Variants in CERKL observed in about 807,000 individuals in gnomAD.
The protein encoded by CERKL is ceramide kinase-like protein.
CERKL carries 61 observed loss-of-function variants against 63.4 expected under a neutral mutation model. The observed-to-expected ratio is 0.96, with a 90% CI of 0.78 to 1.19. CERKL has a LOEUF of 1.19. CERKL is among the 50% of genes most tolerant of loss of function. The pLI is 0.00. For synonymous variants in CERKL, 250 were observed against 230.5 expected, an observed-to-expected ratio of 1.08 and a Z score of -0.77; for missense variants, 675 against 655.5, an observed-to-expected ratio of 1.03 and a Z score of -0.33.
In CERKL at chr2:181,548,814, G is replaced by C. The variant is rs1228231844; in HGVS notation, c.939C>G (p.Gly313=). The C allele has an allele frequency of 6.2e-7, 1 of 1,614,052 alleles. No homozygotes were observed. The highest frequency in any genetic ancestry group is 1.1e-5 in the South Asian group (1 of 91,078). ...LVDVCTFSTA[G]KLLRFGFSAM... is the part of the protein sequence containing the mutation. ...CTGAGAACCCAAAGCGAAGAAGCTT[G>C]CCAGCGGTGCTGAAGGTGCAGACGT... The change falls in exon 7 of 13, where the codon GGC becomes GGG. Residue 313 remains glycine (G), a synonymous_variant. Coordinates refer to ENST00000410087, the MANE Select transcript of CERKL (RefSeq NM_201548.5).
intron 2 of CERKL, among the ~76,000 whole-genome samples, chr2:181,575,457 C>G (rs1350783065): frequency 5.3e-5 from 8 of 152,164 alleles, no homozygotes; most frequent in Admixed American, 5.2e-4. Flanking sequence ...CAAATACAGA[C>G]AGCACAAAAC....
At chr2:181,603,643 G>T in intron 2 of CERKL, 194 bp downstream of exon 2, 1 of 672,840 alleles carries the variant, frequency 1.5e-6, no homozygotes, top group Non-Finnish European at 2.7e-6. Flanking sequence ...ACAGGATGTA[G>T]GGAAAAATAT....
At chr2:181,638,088 AAAGCT>A (rs1434952952) in intron 1 of CERKL, among the ~76,000 whole-genome samples, 1 of 152,218 alleles carries the variant, frequency 6.6e-6, no homozygotes, top group Non-Finnish European at 1.5e-5. Context: ...GACAATGTGA[AAAGCT>A]TAGGCCTGCA....
Position 181,537,720 on chromosome 2 carries a change from G to A in CERKL, c.*464C>T, listed in dbSNP as rs1338435859. 1 of 426,800 alleles carries A rather than the reference G, an allele frequency of 2.3e-6. No homozygotes were observed. Among genetic ancestry groups the A allele is most frequent in the African/African-American group, 2.1e-5 (1 of 48,482 alleles). 26.4% of individuals were successfully genotyped at this position (426,800 alleles called of 1,614,324 possible). A position where few individuals can be genotyped will look rare whatever the true frequency, so the allele number is the denominator to read the frequency against. On this transcript the variant is annotated 3_prime_UTR_variant, in exon 13 of 13. Transcript: ENST00000410087. ...TATGATGGTTGCAAAGTTTTTTTGT[G>A]TGTCCAATAAACACATTGTAAAAAA...
intron 1 of CERKL, among the ~76,000 whole-genome samples, chr2:181,651,891 A>T (rs1687953392): frequency 7.5e-6 from 1 of 133,524 alleles, no homozygotes; most frequent in Non-Finnish European, 1.6e-5. Context: ...TCAAGAAAAC[A>T]ATTCCATTTA....
chr2:181,629,247 T>C (rs999084640), intron 1 of CERKL, among the ~76,000 whole-genome samples: 1 of 152,174 alleles, frequency 6.6e-6, no homozygotes, highest in Non-Finnish European at 1.5e-5. Context: ...TAATCACTTA[T>C]GATCAAGAAC....
rs1559065553 is a variant in CERKL at position 181,538,081 on chromosome 2, G to GAAACTGGT, written c.*95_*102dup. 2 of 775,946 alleles carry GAAACTGGT rather than the reference G, an allele frequency of 2.6e-6. No individual in the cohort carries two copies. The highest frequency in any genetic ancestry group is 3.9e-5 in the Admixed American group (2 of 51,904). The allele number at this position is 775,946 out of a possible 1,614,324, so 48.1% of individuals were successfully genotyped here. A position where few individuals can be genotyped will look rare whatever the true frequency, so the allele number is the denominator to read the frequency against. ...CATCCACGGAAAAATTGTCTTCCAT[G>GAAACTGGT]AAACTGGTCCCAAAAAGGGTGGGGA... On this transcript the variant is annotated 3_prime_UTR_variant, in exon 13 of 13. Transcript: ENST00000410087.
chr2:181,631,764 C>A (rs1233845477), intron 1 of CERKL, among the ~76,000 whole-genome samples: 1 of 152,164 alleles, frequency 6.6e-6, no homozygotes, highest in Non-Finnish European at 1.5e-5. Context: ...CAGAAAAGGG[C>A]TCTCGAGTAT....
At chr2:181,543,915 TG>T (rs1687614158) in intron 11 of CERKL, among the ~76,000 whole-genome samples, 1 of 137,302 alleles carries the variant, frequency 7.3e-6, no homozygotes, top group Non-Finnish European at 1.5e-5. Context: ...ACGTGGGAGG[TG>T]GAGGTTGCAG....
intron 1 of CERKL, among the ~76,000 whole-genome samples, chr2:181,618,474 T>A (rs1454345099): frequency 6.6e-6 from 1 of 152,024 alleles, no homozygotes; most frequent in Non-Finnish European, 1.5e-5. Flanking sequence ...TAGAGTCCAG[T>A]GGCGCAATCT....
intron 6 of CERKL, among the ~76,000 whole-genome samples, chr2:181,549,063 C>A (rs1687869430): frequency 6.6e-6 from 1 of 152,146 alleles, no homozygotes; most frequent in African/African-American, 2.4e-5. Flanking sequence ...TGAAGAAACA[C>A]AGAGTACTAA....
intron 8 of CERKL, 107 bp from the exon 9 acceptor site, chr2:181,547,954 A>C: frequency 9.2e-7 from 1 of 1,088,066 alleles, no homozygotes; most frequent in South Asian, 1.3e-5. Flanking sequence ...ACTCATCATT[A>C]TATATGTTAA....
intron 3 of CERKL, among the ~76,000 whole-genome samples, chr2:181,568,333 A>G (rs926235623): frequency 6.6e-6 from 1 of 152,112 alleles, no homozygotes; most frequent in African/African-American, 2.4e-5. Flanking sequence ...TATACCTTCA[A>G]ATATATTCTC....
chr2:181,636,919 T>C (rs1000040848), intron 1 of CERKL, among the ~76,000 whole-genome samples: 60 of 152,222 alleles, frequency 3.9e-4, no homozygotes, highest in African/African-American at 1.4e-3. Context: ...CTTTTGTCAA[T>C]ATATCTTCCT....
At chr2:181,573,114 C>T (rs1031559144) in intron 3 of CERKL, among the ~76,000 whole-genome samples, 8 of 151,800 alleles carry the variant, frequency 5.3e-5, no homozygotes, top group South Asian at 2.1e-4. Context: ...CCCCACCATA[C>T]GAAAATAAGT....
At chr2:181,566,007 G>C in intron 4 of CERKL, 51 bp downstream of exon 4, 1 of 1,183,872 alleles carries the variant, frequency 8.4e-7, no homozygotes, top group Non-Finnish European at 1.3e-6. Context: ...ACTAGTGAAG[G>C]CATTTAATAC....
chr2:181,540,411 C>T (rs1161561815), intron 11 of CERKL, among the ~76,000 whole-genome samples: 1 of 152,192 alleles, frequency 6.6e-6, no homozygotes, highest in Admixed American at 6.5e-5. Context: ...CAACTATGTT[C>T]AAGTCCTAAC....
chr2:181,550,871 A>G lies in CERKL; in HGVS notation c.821-1163T>C, dbSNP rs1040127615. ...TACTTCTAGTAATACCAGTGCAAAGAAAAGTTTATTTTAACTAAATGGCAA... is the reference window on the plus strand; with the variant it reads ...TACTTCTAGTAATACCAGTGCAAAGGAAAGTTTATTTTAACTAAATGGCAA... On this transcript the variant is annotated intron_variant, in intron 5 of 12. Transcript: ENST00000410087. This position sits in a 1 kb window ranked among gnomAD's most constrained non-coding sequence, Gnocchi z 4.5. Among the ~76,000 whole-genome samples, 5 of 152,194 alleles carry G rather than the reference A, an allele frequency of 3.3e-5. No individual in the cohort carries two copies. Among genetic ancestry groups the G allele is most frequent in the African/African-American group, 1.2e-4 (5 of 41,446 alleles).
At chr2:181,637,680 C>A (rs1295996190) in intron 1 of CERKL, among the ~76,000 whole-genome samples, 1 of 152,088 alleles carries the variant, frequency 6.6e-6, no homozygotes, top group Non-Finnish European at 1.5e-5. Context: ...AAAAGCTATA[C>A]TTCCTAGAAT....
Sources: allele counts gnomAD v4.1 joint callset (sites outside exome capture counted in the v4.1 genomes callset), GRCh38; gene constraint gnomAD v4.1.1; non-coding constraint Gnocchi (gnomAD v3.1); transcripts MANE v1.5; gene names NCBI Gene and HGNC (gene_info 2026-07-23, HGNC 2026-07-21).